Variants in CERT1 observed in about 807,000 individuals in gnomAD.
The protein encoded by CERT1 is ceramide transfer protein.
In CERT1, 31 loss-of-function variants were observed where a neutral mutation model predicts 87.9. That is an observed-to-expected ratio of 0.35 (90% CI 0.27 to 0.48). The LOEUF (loss-of-function observed/expected upper bound fraction) is 0.48, where lower values mean the gene tolerates loss of function less well. Ranked by LOEUF, CERT1 falls within the 20% of genes least tolerant of loss-of-function variation. The pLI is 0.99. For synonymous variants in CERT1, 289 were observed against 250.9 expected (o/e 1.15, Z -1.44); for missense variants, 487 against 758.0 (o/e 0.64, Z 4.20).
At chr5:75,413,536 G>A (rs1434423630) in intron 7 of CERT1, among the ~76,000 whole-genome samples, 1 of 152,128 alleles carries the variant, frequency 6.6e-6, no homozygotes, top group Non-Finnish European at 1.5e-5. Flanking sequence ...CCGAGCCCTG[G>A]AGTTCAAGGC....
chr5:75,374,683 T>C, downstream of CERT1: 1 of 615,000 alleles, frequency 1.6e-6, no homozygotes, highest in Admixed American at 1.8e-5. Context: ...GCTATATTAC[T>C]GTGTGAGTTG....
intron 2 of CERT1, among the ~76,000 whole-genome samples, chr5:75,467,813 GA>G (rs911455113): frequency 6.6e-6 from 1 of 152,156 alleles, no homozygotes; most frequent in Non-Finnish European, 1.5e-5. Flanking sequence ...AAATTAAGGT[GA>G]GTTGTACCAA....
chr5:75,450,590 A>T (rs140048772), intron 3 of CERT1, among the ~76,000 whole-genome samples: 292 of 152,230 alleles, frequency 1.9e-3, no homozygotes, highest in Non-Finnish European at 3.1e-3. Flanking sequence ...CCTTTTAAGG[A>T]TCTGTATAGA....
intron 2 of CERT1, among the ~76,000 whole-genome samples, chr5:75,478,606 C>G (rs1246901125): frequency 6.6e-6 from 1 of 152,048 alleles, no homozygotes; most frequent in Non-Finnish European, 1.5e-5. Context: ...TGCTTAGACA[C>G]CATCCCTAAA....
chr5:75,509,352 C>T (rs996677408), intron 1 of CERT1, among the ~76,000 whole-genome samples: 1 of 152,024 alleles, frequency 6.6e-6, no homozygotes, highest in African/African-American at 2.4e-5. Flanking sequence ...ATTTAGAATA[C>T]CCTTGATTAA....
At chr5:75,449,094 T>G (rs1014194443) in intron 3 of CERT1, among the ~76,000 whole-genome samples, 1 of 152,170 alleles carries the variant, frequency 6.6e-6, no homozygotes, top group Non-Finnish European at 1.5e-5. Context: ...AAACTTTCTT[T>G]AAAAACAAAT....
intron 11 of CERT1, among the ~76,000 whole-genome samples, chr5:75,390,617 G>A (rs1036288201): frequency 3.3e-5 from 5 of 151,978 alleles, no homozygotes; most frequent in South Asian, 2.1e-4. Context: ...CAAAGATTGC[G>A]GAAACAAAGT....
intron 2 of CERT1, among the ~76,000 whole-genome samples, chr5:75,497,024 G>C (rs932662876): frequency 9.2e-5 from 14 of 151,752 alleles, no homozygotes; most frequent in African/African-American, 3.1e-4. Flanking sequence ...AAAAAGGTAG[G>C]AAACAATAAA....
chr5:75,446,925 G>A (rs1202188015), intron 3 of CERT1, among the ~76,000 whole-genome samples: 1 of 152,194 alleles, frequency 6.6e-6, no homozygotes, highest in Non-Finnish European at 1.5e-5. Flanking sequence ...ACAGCCAGAG[G>A]GGGAGGGACC....
intron 2 of CERT1, among the ~76,000 whole-genome samples, chr5:75,495,803 T>C (rs1290552527): frequency 6.6e-6 from 1 of 152,126 alleles, no homozygotes; most frequent in Non-Finnish European, 1.5e-5. Context: ...ATAATAATGC[T>C]GTTCAGAACT....
chr5:75,476,931 A>G (rs1326748375), intron 2 of CERT1, among the ~76,000 whole-genome samples: 1 of 152,202 alleles, frequency 6.6e-6, no homozygotes, highest in Non-Finnish European at 1.5e-5. Flanking sequence ...AAATCCAGTC[A>G]TCTCACTTAG....
intron 6 of CERT1, among the ~76,000 whole-genome samples, chr5:75,418,774 G>C (rs949164522): frequency 3.9e-5 from 6 of 152,168 alleles, no homozygotes; most frequent in Admixed American, 1.3e-4. Context: ...TATAGAAAAT[G>C]CAAACTAATC....
At chr5:75,369,286 T>C (rs1580675136) in intron 17 of CERT1, 1 of 152,256 alleles carries the variant, frequency 6.6e-6, no homozygotes, top group African/African-American at 2.4e-5. Context: ...CCATGGTAAG[T>C]TGGAGTGTAC....
At chr5:75,504,458 T>G (rs1035341746) in intron 2 of CERT1, among the ~76,000 whole-genome samples, 2 of 152,178 alleles carry the variant, frequency 1.3e-5, no homozygotes, top group Non-Finnish European at 2.9e-5. Context: ...TTTCAAACTT[T>G]GAATATACAA....
chr5:75,491,193 C>T (rs1766778673), intron 2 of CERT1, among the ~76,000 whole-genome samples: 1 of 152,002 alleles, frequency 6.6e-6, no homozygotes. Flanking sequence ...TTAATGGCAT[C>T]TTTTTCTTTC....
chr5:75,509,768 A>C (rs910221027), intron 1 of CERT1, among the ~76,000 whole-genome samples: 2 of 152,234 alleles, frequency 1.3e-5, no homozygotes, highest in Non-Finnish European at 2.9e-5. Flanking sequence ...CTGAGAAGCA[A>C]GTAACCCACT....
intron 3 of CERT1, among the ~76,000 whole-genome samples, chr5:75,455,278 TACCACTTCTTC>T (rs1764932786): frequency 6.6e-6 from 1 of 152,178 alleles, no homozygotes; most frequent in Non-Finnish European, 1.5e-5. Flanking sequence ...GCCAACTGAC[TACCACTTCTTC>T]AAGCATCTTG....
At chr5:75,442,735 C>T (rs1764376663) in intron 3 of CERT1, among the ~76,000 whole-genome samples, 1 of 151,302 alleles carries the variant, frequency 6.6e-6, no homozygotes, top group Admixed American at 6.6e-5. Flanking sequence ...GAGTATAGCA[C>T]AGTAACACAT....
rs1764060554 is a variant in CERT1, at chr5:75,435,619, C to T, written c.349-9141G>A. ...CTTTCTTTTTTTATATTGTTTGAGG[C>T]TCTTAAGGAATTGACTGTGGTGTAA... On this transcript the variant is annotated intron_variant, in intron 3 of 16. Coordinates refer to ENST00000643780, the MANE Select transcript of CERT1 (RefSeq NM_001379029.1). Among the ~76,000 whole-genome samples, 8 of 152,184 alleles carry T rather than the reference C, an allele frequency of 5.3e-5. No individual in the cohort carries two copies. The South Asian group carries it at 1.7e-3, about 32-fold the overall frequency.
Sources: gnomAD v4.1 joint callset for allele counts (sites outside exome capture counted in the v4.1 genomes callset) on GRCh38, gnomAD v4.1.1 for gene constraint, MANE v1.5 for transcripts, NCBI Gene and HGNC (gene_info 2026-07-23, HGNC 2026-07-21) for gene names.